Variants in SLC66A1 observed in about 807,000 individuals in gnomAD.
The protein encoded by SLC66A1 is lysosomal amino acid transporter 1 homolog.
A neutral mutation model predicts 33.0 loss-of-function variants in SLC66A1; 23 were observed. The ratio of observed to expected loss-of-function variants is 0.70; its 90% CI spans 0.50 to 0.99. The LOEUF is 0.99. SLC66A1 is among the 50% of genes least tolerant of loss of function. The pLI, the probability that SLC66A1 is intolerant of heterozygous loss-of-function variation, is 0.00. For synonymous variants in SLC66A1, 164 were observed against 175.5 expected (o/e 0.93, Z 0.52); for missense variants, 335 against 383.6 (o/e 0.87, Z 1.06).
downstream of SLC66A1, among the ~76,000 whole-genome samples, chr1:19,329,464 T>C (rs897187970): frequency 1.3e-5 from 2 of 152,150 alleles, no homozygotes; most frequent in Non-Finnish European, 2.9e-5. Flanking sequence ...TTTAGCCTGC[T>C]TCTCCGGGCC....
intron 2 of SLC66A1, among the ~76,000 whole-genome samples, chr1:19,320,272 G>A (rs905451672): frequency 2.6e-5 from 4 of 152,016 alleles, no homozygotes; most frequent in Non-Finnish European, 4.4e-5. Flanking sequence ...TAGAATTTCT[G>A]GGTCCTATGT....
At chr1:19,324,591 A>C (rs2093853874) in intron 2 of SLC66A1, 42 bp from the exon 3 acceptor site, 2 of 1,612,216 alleles carry the variant, frequency 1.2e-6, no homozygotes, top group Admixed American at 1.7e-5. Context: ...ATCCCCTGTA[A>C]GGTGGCCTGA....
intron 1 of SLC66A1, among the ~76,000 whole-genome samples, chr1:19,314,327 G>A (rs1271020974): frequency 2.0e-5 from 3 of 152,076 alleles, no homozygotes; most frequent in Non-Finnish European, 2.9e-5. Flanking sequence ...CAACACGCAC[G>A]CATACTGGGG....
In SLC66A1 at chr1:19,328,120, C is replaced by T. The variant is rs889985899; in HGVS notation, c.805-452C>T. 7.0e-6 allele frequency: 2 copies of T among 283,702 alleles called. No homozygotes were observed. The highest frequency in any genetic ancestry group is 1.4e-5 in the Non-Finnish European group (2 of 145,644). 17.6% of individuals were successfully genotyped at this position (283,702 alleles called of 1,614,324 possible). A position where few individuals can be genotyped will look rare whatever the true frequency, so the allele number is the denominator to read the frequency against. On this transcript the variant is annotated intron_variant, in intron 7 of 7. Coordinates refer to ENST00000375153, the MANE Select transcript of SLC66A1 (RefSeq NM_001040125.2). The surrounding 1 kb of genome is among the most constrained non-coding windows in gnomAD (Gnocchi z 4.7). ...GGCTCAGAAAGTGTTTGCTGAATGG[C>T]TGTAAAGAGCGTTACCTGGGTCTCA... is the stretch of plus-strand genomic sequence containing the variant.
rs1003615690 is a variant in SLC66A1 at position 19,312,797 on chromosome 1, G to A, written c.-171G>A. 1 of 153,118 alleles carries A rather than the reference G, an allele frequency of 6.5e-6. No homozygotes were observed. The highest frequency in any genetic ancestry group is 1.5e-5 in the Non-Finnish European group (1 of 68,400). 9.5% of individuals were successfully genotyped at this position (153,118 alleles called of 1,614,324 possible). ...AGGACGCCGAGGCCTGGAGTGGGTG[G>A]TAGCCCCGAGCTGGGACGCTCCTCC... is the stretch of plus-strand genomic sequence containing the variant. On this transcript the variant is annotated 5_prime_UTR_variant, in exon 1 of 8. The change creates a premature stop within an existing upstream ORF in the 5' untranslated region. Coordinates refer to ENST00000375153, the MANE Select transcript of SLC66A1 (RefSeq NM_001040125.2).
downstream of SLC66A1, among the ~76,000 whole-genome samples, chr1:19,331,575 G>C (rs1199733656): frequency 2.0e-5 from 3 of 152,182 alleles, no homozygotes; most frequent in African/African-American, 7.2e-5. Flanking sequence ...TAGCGACTTT[G>C]CTGAGCCTCT....
chr1:19,328,177 A>G lies in SLC66A1; in HGVS notation c.805-395A>G. 1 of 326,880 alleles carries G rather than the reference A, an allele frequency of 3.1e-6. No individual in the cohort carries two copies. The highest frequency in any genetic ancestry group is 5.8e-6 in the Non-Finnish European group (1 of 172,170). 20.2% of individuals were successfully genotyped at this position (326,880 alleles called of 1,614,324 possible). On this transcript the variant is annotated intron_variant, in intron 7 of 7. Coordinates refer to ENST00000375153, the MANE Select transcript of SLC66A1 (RefSeq NM_001040125.2). This position sits in a 1 kb window ranked among gnomAD's most constrained non-coding sequence, Gnocchi z 4.7. The stretch of plus-strand genomic sequence containing the variant: ...AGCAAGTAAACATGGCCTTTGTTTT[A>G]ATATTTGTTAAGTCCCTGCCGGGCG...
chr1:19,316,394 T>TGTGTG (rs1569735649), intron 1 of SLC66A1, among the ~76,000 whole-genome samples: 3 of 147,974 alleles, frequency 2.0e-5, no homozygotes, highest in South Asian at 2.2e-4. Context: ...TGTGTGTGTG[T>TGTGTG]TTTCTTTTAA....
chr1:19,312,365 C>T lies in SLC66A1; in HGVS notation c.-603C>T, dbSNP rs927866074. The T allele has an allele frequency of 4.8e-5, 12 of 247,804 alleles. No individual in the cohort carries two copies. The highest frequency in any genetic ancestry group is 8.3e-5 in the Non-Finnish European group (11 of 132,302). The allele number at this position is 247,804 out of a possible 1,614,324, so 15.4% of individuals were successfully genotyped here. ...GGCGGCGGATCTGGACGTGGTGAGC[C>T]GGACCGGGGGCAGGTGGCAAACTTC... On this transcript the variant is annotated 5_prime_UTR_variant, in exon 1 of 8. Coordinates refer to ENST00000375153, the MANE Select transcript of SLC66A1 (RefSeq NM_001040125.2).
intron 2 of SLC66A1, among the ~76,000 whole-genome samples, chr1:19,322,828 G>A (rs1362540787): frequency 6.6e-6 from 1 of 152,162 alleles, no homozygotes; most frequent in Admixed American, 6.5e-5. Context: ...GCACTGGAAG[G>A]CTCTGGCAGT....
At position 19,326,257 on chromosome 1, in the gene SLC66A1, T is replaced by A; in HGVS notation, c.395T>A (p.Ile132Asn). ...RTRPSLLSAP[I>N]NSVLLFLMGM... is the part of the protein sequence containing the mutation. The stretch of plus-strand genomic sequence containing the variant: ...GCCTTGTGTGCAGTGTCTGCCCCCA[T>A]CAACTCCGTGCTGTTGTTCCTCATG... The change falls in exon 5 of 8, where the codon ATC becomes AAC. Residue 132 changes from isoleucine to asparagine, a missense_variant. By Grantham distance (149) the Ile-to-Asn change is moderately radical. Transcript: ENST00000375153. 15 of 1,604,870 alleles carry A rather than the reference T, an allele frequency of 9.3e-6. No homozygotes were observed. Among genetic ancestry groups the A allele is most frequent in the Non-Finnish European group, 1.3e-5 (15 of 1,179,464 alleles).
intron 3 of SLC66A1, among the ~76,000 whole-genome samples, chr1:19,325,252 G>A (rs963680834): frequency 2.6e-5 from 4 of 152,158 alleles, no homozygotes; most frequent in Non-Finnish European, 5.9e-5. Flanking sequence ...GACTGCTAGC[G>A]CTGACCACCA....
At chr1:19,327,818 A>G (rs1002694075) in intron 7 of SLC66A1, 2 of 356,810 alleles carry the variant, frequency 5.6e-6, no homozygotes, top group African/African-American at 4.2e-5. Context: ...TGAACCTGTG[A>G]CTTGACAGAG....
Position 19,328,440 on chromosome 1 carries a change from G to A in SLC66A1, c.805-132G>A. ...CTAAGGTAGCGGCTGGGAGGTTATG[G>A]CTGGCCCTTCCCACCTGCAGCGTGG... is the stretch of plus-strand genomic sequence containing the variant. On this transcript the variant is annotated intron_variant, in intron 7 of 7. Coordinates refer to ENST00000375153, the MANE Select transcript of SLC66A1 (RefSeq NM_001040125.2). This position sits in a 1 kb window ranked among gnomAD's most constrained non-coding sequence, Gnocchi z 4.7. The A allele has an allele frequency of 1.2e-6, 1 of 810,376 alleles. No homozygotes were observed. 50.2% of individuals were successfully genotyped at this position (810,376 alleles called of 1,614,324 possible).
downstream of SLC66A1, among the ~76,000 whole-genome samples, chr1:19,331,044 CTCT>C (rs2093891027): frequency 6.6e-6 from 1 of 152,176 alleles, no homozygotes; most frequent in Admixed American, 6.5e-5. Context: ...CAGAGTCTTG[CTCT>C]GCCGCCCAAG....
intron 6 of SLC66A1, 52 bp from the exon 7 acceptor site, chr1:19,327,175 G>A (rs372222248): frequency 1.1e-5 from 16 of 1,505,628 alleles, no homozygotes; most frequent in African/African-American, 1.4e-5. Context: ...TTACAATCCA[G>A]AGTGACAAGA....
rs547267638 is a variant in SLC66A1 at position 19,327,044 on chromosome 1, G to A, written c.619-183G>A. On this transcript the variant is annotated intron_variant, in intron 6 of 7. Coordinates refer to ENST00000375153, the MANE Select transcript of SLC66A1 (RefSeq NM_001040125.2). ...CCCGTGGACCTGGGCAGGGGCCTGG[G>A]GGGGCTTGTCTGTGGGTGGGAGGAG... Among the ~76,000 whole-genome samples the A allele has an allele frequency of 4.3e-3, 655 of 152,310 alleles. 3 individuals carry two copies. Among genetic ancestry groups the A allele is most frequent in the Non-Finnish European group, 7.0e-3 (473 of 68,014 alleles).
Position 19,326,407 on chromosome 1 carries a change from G to A in SLC66A1, c.525+20G>A, listed in dbSNP as rs771131747. The A allele has an allele frequency of 6.2e-6, 10 of 1,605,132 alleles. No individual in the cohort carries two copies. The African/African-American group carries it at 9.4e-5, about 15-fold the overall frequency. ...AGCAAGGTGAGGCGTGGGCGTGGCG[G>A]TCGAAGGGATGGAGGCTGGCTCATC... On this transcript the variant is annotated intron_variant, in intron 5 of 7. Transcript: ENST00000375153.
downstream of SLC66A1, among the ~76,000 whole-genome samples, chr1:19,330,307 G>A (rs191746740): frequency 4.2e-3 from 635 of 152,270 alleles, 2 homozygotes; most frequent in African/African-American, 0.013. Flanking sequence ...GGGGAGAGAC[G>A]CTGCGTCCCA....
Sources: gnomAD v4.1 joint callset for allele counts (sites outside exome capture counted in the v4.1 genomes callset) on GRCh38, gnomAD v4.1.1 for gene constraint, Gnocchi (gnomAD v3.1) non-coding constraint, MANE v1.5 for transcripts, NCBI Gene and HGNC (gene_info 2026-07-23, HGNC 2026-07-21) for gene names.